Variants in CALN1 observed in about 807,000 individuals in gnomAD.
The protein encoded by CALN1 is calneuron 1, also known as calcium-binding protein 8.
A neutral mutation model predicts 30.6 loss-of-function variants in CALN1; 17 were observed. That is an observed-to-expected ratio of 0.56 (90% CI 0.38 to 0.83). The LOEUF (loss-of-function observed/expected upper bound fraction) is 0.83, where lower values mean the gene tolerates loss of function less well. Ranked by LOEUF, CALN1 falls within the 40% of genes least tolerant of loss-of-function variation. The pLI is 0.00. For synonymous variants in CALN1, 156 were observed against 131.4 expected (o/e 1.19, Z -1.28); for missense variants, 291 against 354.9 (o/e 0.82, Z 1.45).
At chr7:72,481,905 T>G in the CALN1 span, among the ~76,000 whole-genome samples, 2 of 152,222 alleles carry the variant, frequency 1.3e-5, no homozygotes, top group African/African-American at 4.8e-5. Flanking sequence ...GATAACTTGG[T>G]TGATAGTGTT....
chr7:71,989,787 A>G (rs1275183687), intron 5 of CALN1, among the ~76,000 whole-genome samples: 1 of 152,194 alleles, frequency 6.6e-6, no homozygotes, highest in Non-Finnish European at 1.5e-5. Context: ...GCAAACAAAG[A>G]TGGTGCTTTA....
intron 5 of CALN1, among the ~76,000 whole-genome samples, chr7:71,998,817 A>G (rs10277893): frequency 0.072 from 10,968 of 152,118 alleles, 414 homozygotes; most frequent in African/African-American, 0.086. Flanking sequence ...TGGTCTCCCA[A>G]AGTGCTGGGA....
intron 4 of CALN1, among the ~76,000 whole-genome samples, chr7:72,099,894 T>C (rs1319435939): frequency 6.6e-6 from 1 of 152,218 alleles, no homozygotes; most frequent in Non-Finnish European, 1.5e-5. Context: ...GCTTTCAGCA[T>C]TGGTAGCTGA....
chr7:72,254,424 T>C (rs996635462), intron 3 of CALN1, among the ~76,000 whole-genome samples: 4 of 152,188 alleles, frequency 2.6e-5, no homozygotes, highest in African/African-American at 9.7e-5. Flanking sequence ...ACGTGATGCA[T>C]GAGTCCCCTG....
rs1380793539 is a variant in CALN1, at chr7:71,795,570, C to T, written c.659-7668G>A. Among the ~76,000 whole-genome samples, 4 of 152,210 alleles carry T rather than the reference C, an allele frequency of 2.6e-5. No homozygotes were observed. In the East Asian group the frequency reaches 7.7e-4, roughly 29 times the overall value. On this transcript the variant is annotated intron_variant, in intron 6 of 6. Coordinates refer to ENST00000395275, the MANE Select transcript of CALN1 (RefSeq NM_031468.4). ...GAGATTGCGCAACCATCACCACTAC[C>T]TAATTCCAGAGCCATTTTTTCACCC...
intron 3 of CALN1, among the ~76,000 whole-genome samples, chr7:72,174,366 C>G (rs1269941966): frequency 6.6e-6 from 1 of 152,122 alleles, no homozygotes; most frequent in Non-Finnish European, 1.5e-5. Flanking sequence ...ATGCAACCCA[C>G]CCACTCCACT....
At chr7:72,487,721 GAAAGAAA>G in the CALN1 span, among the ~76,000 whole-genome samples, 1 of 72,430 alleles carries the variant, frequency 1.4e-5, no homozygotes, top group Non-Finnish European at 2.7e-5. Flanking sequence ...AGAAAAGAAA[GAAAGAAA>G]GAAAGAAAGG....
chr7:72,132,389 C>T (rs545423457), intron 3 of CALN1, among the ~76,000 whole-genome samples: 18 of 152,160 alleles, frequency 1.2e-4, no homozygotes, highest in Admixed American at 7.2e-4. Context: ...TATGGGTACT[C>T]GAAGTATGGT....
chr7:71,814,590 T>TAA (rs1788150669), intron 5 of CALN1, among the ~76,000 whole-genome samples: 1 of 152,178 alleles, frequency 6.6e-6, no homozygotes, highest in African/African-American at 2.4e-5. Flanking sequence ...TCCACTTATA[T>TAA]GTGGATTTCC....
rs1006158304 is a variant in CALN1 at position 71,783,709 on chromosome 7, C to A, written c.*4066G>T. 1 of 152,648 alleles carries A rather than the reference C, an allele frequency of 6.6e-6. No homozygotes were observed. Among genetic ancestry groups the A allele is most frequent in the Admixed American group, 6.5e-5 (1 of 15,278 alleles). The allele number at this position is 152,648 out of a possible 1,614,324, so 9.5% of individuals were successfully genotyped here. A position where few individuals can be genotyped will look rare whatever the true frequency, so the allele number is the denominator to read the frequency against. ...TTATGACCTGAGTCTGGACTTAAAC[C>A]GAGTACGAGGCATTTGGAATAAAAG... On this transcript the variant is annotated 3_prime_UTR_variant, in exon 7 of 7. Coordinates refer to ENST00000395275, the MANE Select transcript of CALN1 (RefSeq NM_031468.4).
chr7:72,346,540 A>G (rs2129559046), intron 2 of CALN1, among the ~76,000 whole-genome samples: 1 of 152,154 alleles, frequency 6.6e-6, no homozygotes, highest in South Asian at 2.1e-4. Flanking sequence ...ATTTGAAACG[A>G]AATTTCACTC....
At chr7:72,396,569 G>T (rs1487052745) in intron 2 of CALN1, among the ~76,000 whole-genome samples, 1 of 152,168 alleles carries the variant, frequency 6.6e-6, no homozygotes, top group African/African-American at 2.4e-5. Context: ...TCGGGGAAGA[G>T]ATATCTGAGC....
intron 3 of CALN1, among the ~76,000 whole-genome samples, chr7:72,129,795 A>G (rs1809014068): frequency 2.0e-5 from 3 of 152,212 alleles, no homozygotes; most frequent in Admixed American, 2.0e-4. Flanking sequence ...CATTAATAGA[A>G]AAGTTAAATA....
At position 71,784,963 on chromosome 7, in the gene CALN1, G is replaced by T. The variant is rs183688607; in HGVS notation, c.*2812C>A. On this transcript the variant is annotated 3_prime_UTR_variant, in exon 7 of 7. Coordinates refer to ENST00000395275, the MANE Select transcript of CALN1 (RefSeq NM_031468.4). Reference sequence around the variant, plus strand: ...GGGAGTTGGCTGCCTGACAAGGAAGGCTTCCCTATACCCAAGACAAACTGT... The same window carrying T: ...GGGAGTTGGCTGCCTGACAAGGAAGTCTTCCCTATACCCAAGACAAACTGT... The T allele has an allele frequency of 1.9e-4, 75 of 398,098 alleles. No homozygotes were observed. The highest frequency in any genetic ancestry group is 1.3e-3 in the African/African-American group (63 of 48,738). The allele number at this position is 398,098 out of a possible 1,614,324, so 24.7% of individuals were successfully genotyped here. A position where few individuals can be genotyped will look rare whatever the true frequency, so the allele number is the denominator to read the frequency against.
chr7:71,975,511 C>T (rs1798058961), intron 5 of CALN1, among the ~76,000 whole-genome samples: 1 of 152,150 alleles, frequency 6.6e-6, no homozygotes, highest in Non-Finnish European at 1.5e-5. Context: ...ACTGCAGCCT[C>T]CAACTCCTGG....
chr7:72,094,241 CT>C (rs1563052264), intron 4 of CALN1, among the ~76,000 whole-genome samples: 2 of 151,982 alleles, frequency 1.3e-5, no homozygotes, highest in African/African-American at 4.8e-5. Context: ...TTGGATGAGG[CT>C]GCTCTTATTG....
chr7:72,215,936 G>A (rs528889499), intron 3 of CALN1, among the ~76,000 whole-genome samples: 8 of 152,166 alleles, frequency 5.3e-5, no homozygotes, highest in African/African-American at 1.9e-4. Flanking sequence ...GGTAAGCATG[G>A]GTCGGACCAA....
intron 3 of CALN1, among the ~76,000 whole-genome samples, chr7:72,234,448 TG>T (rs1357797507): frequency 1.3e-5 from 2 of 152,202 alleles, no homozygotes; most frequent in South Asian, 2.1e-4. Context: ...TGTTTTGTTT[TG>T]TTTTTTTGTT....
the CALN1 span, among the ~76,000 whole-genome samples, chr7:72,468,421 C>T: frequency 6.6e-6 from 1 of 152,198 alleles, no homozygotes; most frequent in Non-Finnish European, 1.5e-5. Flanking sequence ...TCAAGCAATC[C>T]TCTCACATCA....
Sources: gnomAD v4.1 joint callset for allele counts (sites outside exome capture counted in the v4.1 genomes callset) on GRCh38, gnomAD v4.1.1 for gene constraint, MANE v1.5 for transcripts, NCBI Gene and HGNC (gene_info 2026-07-23, HGNC 2026-07-21) for gene names.